The following RNF224 variants were observed in gnomAD, a reference collection of about 807,000 sequenced individuals.
RNF224 encodes the protein ring finger protein 224.
In RNF224, 1 loss-of-function variant was observed where a neutral mutation model predicts 2.9. The observed-to-expected ratio is 0.35, with a 90% confidence interval of 0.12 to 1.66. RNF224 has a LOEUF of 1.66. Among genes scored for constraint, RNF224 ranks in the 40% most tolerant of loss-of-function variants. The probability of loss-of-function intolerance (pLI) is 0.35; values close to 1 mark genes in which losing one functional copy is unlikely to be tolerated. For missense variants in RNF224, 254 were observed against 221.8 expected (o/e 1.15, Z -0.92); for synonymous variants, 116 against 97.6 (o/e 1.19, Z -1.11).
Position 137,229,481 on chromosome 9 carries a change from C to CCGGTCTGG in RNF224, c.*397_*404dup, listed in dbSNP as rs1168466200. Reference sequence around the variant, plus strand: ...TGGGCTGCAGGCTGGAGGGGCAGGGCCGGTCTGGCTATGCCTGGCGGGCTG... The same window carrying CCGGTCTGG: ...TGGGCTGCAGGCTGGAGGGGCAGGGCCGGTCTGGCGGTCTGGCTATGCCTGGCGGGCTG... On this transcript the variant is annotated 3_prime_UTR_variant, in exon 3 of 3. Transcript: ENST00000445101. 2 of 245,008 alleles carry CCGGTCTGG rather than the reference C, an allele frequency of 8.2e-6. No individual in the cohort carries two copies. Among genetic ancestry groups the CCGGTCTGG allele is most frequent in the Non-Finnish European group, 1.6e-5 (2 of 124,610 alleles). The allele number at this position is 245,008 out of a possible 1,614,324, so 15.2% of individuals were successfully genotyped here.
Position 137,227,677 on chromosome 9 carries a change from GCTGGTGCGCCAC to G in RNF224, c.-364_-353del, listed in dbSNP as rs1327556530. On this transcript the variant is annotated 5_prime_UTR_variant, in exon 1 of 3. Transcript: ENST00000445101. ...GGGAGCGGGGATCCCCAGACACGGA[GCTGGTGCGCCAC>G]CTGGAGTCCATGTGGACTGGTGCAG... The G allele has an allele frequency of 6.6e-6, 1 of 152,112 alleles. No homozygotes were observed. Among genetic ancestry groups the G allele is most frequent in the African/African-American group, 2.4e-5 (1 of 41,392 alleles). 9.4% of individuals were successfully genotyped at this position (152,112 alleles called of 1,614,324 possible). A position where few individuals can be genotyped will look rare whatever the true frequency, so the allele number is the denominator to read the frequency against.
chr9:137,228,528 C>A, intron 2 of RNF224, 94 bp from the exon 3 acceptor site: 6 of 1,157,958 alleles, frequency 5.2e-6, no homozygotes, highest in Non-Finnish European at 7.1e-6. Context: ...ACAGACCCAG[C>A]GCCTGACCTC....
intron 1 of RNF224, 68 bp downstream of exon 1, chr9:137,227,929 GAA>G (rs1836015881): frequency 4.6e-6 from 1 of 218,274 alleles, no homozygotes; most frequent in Non-Finnish European, 8.9e-6. Flanking sequence ...GGAGCGGAGG[GAA>G]GGGGAGGGGA....
chr9:137,228,735 C>T lies in RNF224; in HGVS notation c.120C>T (p.Arg40=), dbSNP rs1238778504. The T allele has an allele frequency of 4.6e-6, 7 of 1,531,492 alleles. No individual in the cohort carries two copies. Among genetic ancestry groups the T allele is most frequent in the Non-Finnish European group, 5.2e-6 (6 of 1,144,190 alleles). 94.9% of individuals were successfully genotyped at this position (1,531,492 alleles called of 1,614,324 possible). The change falls in exon 3 of 3, where the codon CGC becomes CGT. Residue 40 remains arginine, a synonymous_variant. Transcript: ENST00000445101. The part of the protein sequence containing the change: ...AYDLSGHLPR[R]LYCGHTFCQA... ...ACCTCTCCGGGCACCTGCCCCGCCG[C>T]CTCTACTGTGGACACACCTTCTGCC...
At chr9:137,228,585 C>T (rs961557708) in intron 2 of RNF224, 37 bp from the exon 3 acceptor site, 100 of 1,403,470 alleles carry the variant, frequency 7.1e-5, no homozygotes, top group Admixed American at 3.1e-4. Context: ...GGAAGGTCCT[C>T]GAGGCAGGCT....
intron 1 of RNF224, 130 bp downstream of exon 1, chr9:137,227,991 TGG>T: frequency 3.7e-6 from 1 of 268,944 alleles, no homozygotes; most frequent in Non-Finnish European, 6.8e-6. Flanking sequence ...GTTTTGAGTG[TGG>T]CGAAGGGTGT....
In RNF224 at chr9:137,228,779, T is replaced by A; in HGVS notation, c.164T>A (p.Leu55Gln). ...TTCTGCCAGGCGTGTGTGCGGCGGCTGGACACACCGGCGCCCGAGCAGCGC... is the reference window on the plus strand; with the variant it reads ...TTCTGCCAGGCGTGTGTGCGGCGGCAGGACACACCGGCGCCCGAGCAGCGC... ...HTFCQACVRR[L>Q]DTPAPEQRWI... Residue 55 changes from leucine (L) to glutamine (Q), a missense_variant, in exon 3 of 3, where the codon CTG becomes CAG. Transcript: ENST00000445101. 1 of 1,533,236 alleles carries A rather than the reference T, an allele frequency of 6.5e-7. No homozygotes were observed. Among genetic ancestry groups the A allele is most frequent in the Non-Finnish European group, 8.7e-7 (1 of 1,145,332 alleles). 95.0% of individuals were successfully genotyped at this position (1,533,236 alleles called of 1,614,324 possible). A position where few individuals can be genotyped will look rare whatever the true frequency, so the allele number is the denominator to read the frequency against.
Position 137,228,759 on chromosome 9 carries a change from C to T in RNF224, c.144C>T (p.Cys48=). Residue 48 remains cysteine, a synonymous_variant, in exon 3 of 3, where the codon TGC becomes TGT. Coordinates refer to ENST00000445101, the MANE Select transcript of RNF224 (RefSeq NM_001190228.2). ...PRRLYCGHTF[C]QACVRRLDTP... ...GCCTCTACTGTGGACACACCTTCTGCCAGGCGTGTGTGCGGCGGCTGGACA... is the reference window on the plus strand; with the variant it reads ...GCCTCTACTGTGGACACACCTTCTGTCAGGCGTGTGTGCGGCGGCTGGACA... 6.5e-7 allele frequency: 1 copy of T among 1,532,950 alleles called. No individual in the cohort carries two copies. The highest frequency in any genetic ancestry group is 2.5e-5 in the East Asian group (1 of 40,810). 95.0% of individuals were successfully genotyped at this position (1,532,950 alleles called of 1,614,324 possible).
At chr9:137,228,506 C>A (rs776295008) in intron 2 of RNF224, 116 bp from the exon 3 acceptor site, 1 of 1,082,352 alleles carries the variant, frequency 9.2e-7, no homozygotes, top group African/African-American at 1.6e-5. Context: ...CAGGTCTGCA[C>A]GCACCACCCC....
At chr9:137,228,424 C>A in intron 2 of RNF224, 83 bp downstream of exon 2, 1 of 1,307,896 alleles carries the variant, frequency 7.6e-7, no homozygotes, top group South Asian at 1.5e-5. Flanking sequence ...AGGAGGCTGC[C>A]CGGCTGGTGC....
Position 137,228,677 on chromosome 9 carries a change from G to A in RNF224, c.62G>A (p.Arg21Lys). 3.3e-6 allele frequency: 5 copies of A among 1,496,084 alleles called. No individual in the cohort carries two copies. The highest frequency in any genetic ancestry group is 2.5e-5 in the East Asian group (1 of 40,318). The allele number at this position is 1,496,084 out of a possible 1,614,324, so 92.7% of individuals were successfully genotyped here. A position where few individuals can be genotyped will look rare whatever the true frequency, so the allele number is the denominator to read the frequency against. ...GLGGGGPPEERTDCIICCSAY... is the reference protein window; with the variant it reads ...GLGGGGPPEEKTDCIICCSAY... ...GGAGGAGGGGGGCCCCCGGAGGAGAGGACAGACTGCATCATCTGCTGCTCG... is the reference window on the plus strand; with the variant it reads ...GGAGGAGGGGGGCCCCCGGAGGAGAAGACAGACTGCATCATCTGCTGCTCG... The change falls in exon 3 of 3, where the codon AGG becomes AAG. Residue 21 changes from arginine to lysine, a missense_variant. Transcript: ENST00000445101.
At position 137,228,542 on chromosome 9, in the gene RNF224, G is replaced by A. The variant is rs1396301110; in HGVS notation, c.7-80G>A. The A allele has an allele frequency of 2.4e-6, 3 of 1,236,280 alleles. No homozygotes were observed. In the East Asian group the frequency reaches 7.7e-5, roughly 32 times the overall value. 76.6% of individuals were successfully genotyped at this position (1,236,280 alleles called of 1,614,324 possible). A position where few individuals can be genotyped will look rare whatever the true frequency, so the allele number is the denominator to read the frequency against. On this transcript the variant is annotated intron_variant, in intron 2 of 2. Transcript: ENST00000445101. ...CACAGACCCAGCGCCTGACCTCTGG[G>A]GTGGGCTCCTGGGGCCAGCACCCCA... is the stretch of plus-strand genomic sequence containing the variant.
Position 137,229,542 on chromosome 9 carries a change from C to T in RNF224, c.*456C>T, listed in dbSNP as rs1005625448. ...GTCTCCCCTCTCCCACAGACGTCCC[C>T]GGGGTGTACCGGGAGGGTGGCAAGA... On this transcript the variant is annotated 3_prime_UTR_variant, in exon 3 of 3. Coordinates refer to ENST00000445101, the MANE Select transcript of RNF224 (RefSeq NM_001190228.2). 2.2e-5 allele frequency: 4 copies of T among 180,768 alleles called. No homozygotes were observed. Among genetic ancestry groups the T allele is most frequent in the African/African-American group, 7.1e-5 (3 of 42,446 alleles). The allele number at this position is 180,768 out of a possible 1,614,324, so 11.2% of individuals were successfully genotyped here.
chr9:137,228,364 G>A (rs952982371), intron 2 of RNF224, 23 bp downstream of exon 2: 17 of 1,463,040 alleles, frequency 1.2e-5, no homozygotes, highest in Admixed American at 2.5e-5. Flanking sequence ...GGCTCAGGTC[G>A]GCCAGGAGGG....
At position 137,228,847 on chromosome 9, in the gene RNF224, C is replaced by T. The variant is rs1275003501; in HGVS notation, c.232C>T (p.Arg78Cys). 7 of 1,535,578 alleles carry T rather than the reference C, an allele frequency of 4.6e-6. No homozygotes were observed. Among genetic ancestry groups the T allele is most frequent in the Admixed American group, 2.0e-5 (1 of 50,984 alleles). The change falls in exon 3 of 3, where the codon CGC (arginine) becomes TGC (cysteine). Residue 78 changes from arginine (R) to cysteine (C), a missense_variant. By Grantham distance (180) the Arg-to-Cys change is radical (BLOSUM62 -3). Coordinates refer to ENST00000445101, the MANE Select transcript of RNF224 (RefSeq NM_001190228.2). ...PQCRQSTPTP[R>C]GGVAMLDLDL... ...GTGCCGTCAGAGCACGCCCACGCCT[C>T]GCGGAGGGGTGGCCATGCTAGACCT...
At chr9:137,227,930 AAGGGGAGGGG>A (rs1351076909) in intron 1 of RNF224, 69 bp downstream of exon 1, 3 of 93,758 alleles carry the variant, frequency 3.2e-5, no homozygotes, top group Admixed American at 2.1e-4. Context: ...GAGCGGAGGG[AAGGGGAGGGG>A]AGGGGGAGGG....
chr9:137,228,148 T>G lies in RNF224; in HGVS notation c.-184-4T>G. The G allele has an allele frequency of 1.7e-6, 1 of 576,604 alleles. No individual in the cohort carries two copies. Among genetic ancestry groups the G allele is most frequent in the Non-Finnish European group, 3.1e-6 (1 of 325,942 alleles). The allele number at this position is 576,604 out of a possible 1,614,324, so 35.7% of individuals were successfully genotyped here. On this transcript the variant is annotated splice_region_variant and splice_polypyrimidine_tract_variant and intron_variant, in intron 1 of 2. Coordinates refer to ENST00000445101, the MANE Select transcript of RNF224 (RefSeq NM_001190228.2). ...TATCTCTTGCAAGTGGGTGGTGCCG[T>G]TAGATCTAGTTTCAAGGCTTTGTGG...
chr9:137,227,951 G>GGAGGGTGGGGGAGGGGAGAGGT (rs1836017792), intron 1 of RNF224, 90 bp downstream of exon 1: 1 of 224,004 alleles, frequency 4.5e-6, no homozygotes. Flanking sequence ...AGGGGGAGGG[G>GGAGGGTGGGGGAGGGGAGAGGT]GAGGGTGGGG....
In RNF224 at chr9:137,228,209, C is replaced by T. The variant is rs918909834; in HGVS notation, c.-127C>T. On this transcript the variant is annotated 5_prime_UTR_variant, in exon 2 of 3. Coordinates refer to ENST00000445101, the MANE Select transcript of RNF224 (RefSeq NM_001190228.2). ...AGCCCACGCCCGCCACAGCTGGCCA[C>T]CTGCCTCTCTCCTGACTCCCGTGCA... 53 of 898,094 alleles carry T rather than the reference C, an allele frequency of 5.9e-5. No individual in the cohort carries two copies. Among genetic ancestry groups the T allele is most frequent in the Admixed American group, 2.4e-4 (9 of 38,056 alleles). 55.6% of individuals were successfully genotyped at this position (898,094 alleles called of 1,614,324 possible).
Sources: gnomAD v4.1 joint callset for allele counts on GRCh38, gnomAD v4.1.1 for gene constraint, MANE v1.5 for transcripts, NCBI Gene and HGNC (gene_info 2026-07-23, HGNC 2026-07-21) for gene names.